Variants in SDAD1 observed in about 807,000 individuals in gnomAD.
The protein encoded by SDAD1 is protein SDA1 homolog.
Under a neutral mutation model 100.3 loss-of-function variants are expected in SDAD1, and 79 were observed. That is an observed-to-expected ratio of 0.79 (90% CI 0.66 to 0.95). The LOEUF (loss-of-function observed/expected upper bound fraction) is 0.95. Ranked by LOEUF, SDAD1 falls within the 40% of genes least tolerant of loss-of-function variation. The probability of loss-of-function intolerance (pLI) is 0.00; values close to 1 mark genes in which losing one functional copy is unlikely to be tolerated. For missense variants in SDAD1, 790 were observed against 810.9 expected, an observed-to-expected ratio of 0.97 and a Z score of 0.31; for synonymous variants, 267 against 271.4, an observed-to-expected ratio of 0.98 and a Z score of 0.16.
intron 21 of SDAD1, 74 bp downstream of exon 21, chr4:75,955,901 A>ATAAT: frequency 6.7e-7 from 1 of 1,494,504 alleles, no homozygotes; most frequent in Non-Finnish European, 9.0e-7. Context: ...AGAAGGCGCA[A>ATAAT]GTCCGTCTCA....
rs746789604 is a variant in SDAD1, at chr4:75,990,871, A to C, written c.-30T>G. 1.1e-5 allele frequency: 17 copies of C among 1,613,856 alleles called. No homozygotes were observed. The East Asian group carries it at 3.1e-4, about 30-fold the overall frequency. ...GCTGCAGACAGACTTCGCGGCGAGC[A>C]GTTTTAAAAAAACTCAGACGGCCGG... On this transcript the variant is annotated 5_prime_UTR_variant, in exon 1 of 22. Coordinates refer to ENST00000356260, the MANE Select transcript of SDAD1 (RefSeq NM_018115.4).
intron 1 of SDAD1, among the ~76,000 whole-genome samples, chr4:75,984,133 T>G (rs1578148888): frequency 6.6e-6 from 1 of 151,462 alleles, no homozygotes; most frequent in East Asian, 2.0e-4. Context: ...CTCTGTTCTA[T>G]TCTATTGGTC....
chr4:75,969,383 T>A lies in SDAD1; in HGVS notation c.900A>T (p.Leu300=), dbSNP rs756781601. The A allele has an allele frequency of 6.2e-7, 1 of 1,613,372 alleles. No individual in the cohort carries two copies. Among genetic ancestry groups the A allele is most frequent in the African/African-American group, 1.3e-5 (1 of 74,920 alleles). Residue 300 remains leucine, a synonymous_variant, in exon 11 of 22, where the codon CTA becomes CTT. Transcript: ENST00000356260. The part of the protein sequence containing the change: ...IHDPQDFAEK[L]LKQLECCKER... The stretch of plus-strand genomic sequence containing the variant: ...CCTTACAGCACTCAAGCTGCTTTAG[T>A]AGTTTTTCCGCAAAATCTGGCAAGG...
At chr4:75,982,351 C>A (rs1276051614) in intron 1 of SDAD1, among the ~76,000 whole-genome samples, 5 of 152,116 alleles carry the variant, frequency 3.3e-5, no homozygotes, top group Admixed American at 1.3e-4. Flanking sequence ...CAGTTACTAT[C>A]TAAATGATCC....
Position 75,957,627 on chromosome 4 carries a change from C to A in SDAD1, c.1660G>T (p.Glu554Ter). ...AISTSRVLTQ[E>*]DFQKIRMAQM... is the part of the protein sequence containing the mutation. ...GCCATGCGGATTTTCTGGAAGTCTT[C>A]CTGAGTTAAAACTCGGCTAGTGCTG... Residue 554 changes from glutamate (E) to a stop codon, truncating the protein, a stop_gained, in exon 19 of 22, where the codon GAA becomes TAA. Transcript: ENST00000356260. LOFTEE classifies it high-confidence loss of function. 6.2e-7 allele frequency: 1 copy of A among 1,614,138 alleles called. No homozygotes were observed. Among genetic ancestry groups the A allele is most frequent in the Non-Finnish European group, 8.5e-7 (1 of 1,180,032 alleles).
chr4:75,958,978 G>A (rs1255480166), intron 17 of SDAD1, among the ~76,000 whole-genome samples: 2 of 150,988 alleles, frequency 1.3e-5, no homozygotes, highest in South Asian at 2.1e-4. Context: ...GGCGCCTGTA[G>A]TCCCAGCTAT....
At chr4:75,956,885 G>A (rs1259125518) in intron 20 of SDAD1, among the ~76,000 whole-genome samples, 1 of 152,216 alleles carries the variant, frequency 6.6e-6, no homozygotes, top group East Asian at 1.9e-4. Flanking sequence ...TGAGGCGGGT[G>A]GATCGCATGA....
intron 13 of SDAD1, among the ~76,000 whole-genome samples, chr4:75,965,361 C>T (rs182416529): frequency 2.6e-5 from 4 of 152,222 alleles, no homozygotes; most frequent in East Asian, 1.9e-4. Flanking sequence ...AATGCGTGCC[C>T]GAAACTTCAT....
At position 75,982,026 on chromosome 4, in the gene SDAD1, C is replaced by T. The variant is rs751307020; in HGVS notation, c.102G>A (p.Gln34=). ...PPAYIEEFLQ[Q]YNHYKSNVEI... ...CCACATTGGATTTGTAGTGATTATA[C>T]TGCTGTAGAAACTGCAGAAAAATAA... The change falls in exon 2 of 22, where the codon CAG becomes CAA. Residue 34 remains glutamine (Q), a synonymous_variant. Transcript: ENST00000356260. 18 of 1,606,062 alleles carry T rather than the reference C, an allele frequency of 1.1e-5. No homozygotes were observed. The highest frequency in any genetic ancestry group is 1.0e-4 in the South Asian group (9 of 89,958).
chr4:75,973,762 G>C (rs1729999687), intron 7 of SDAD1, among the ~76,000 whole-genome samples: 1 of 152,094 alleles, frequency 6.6e-6, no homozygotes, highest in Admixed American at 6.5e-5. Context: ...GGAGAAAACA[G>C]TAAAAAACCA....
At chr4:75,989,940 T>C (rs1476587157) in intron 1 of SDAD1, among the ~76,000 whole-genome samples, 1 of 152,170 alleles carries the variant, frequency 6.6e-6, no homozygotes, top group Non-Finnish European at 1.5e-5. Flanking sequence ...CAAATCACAA[T>C]CTGGTAGAAG....
At chr4:75,952,787 T>C (rs1728686730) in intron 21 of SDAD1, among the ~76,000 whole-genome samples, 1 of 152,240 alleles carries the variant, frequency 6.6e-6, no homozygotes, top group Non-Finnish European at 1.5e-5. Context: ...TGTGCTGCAG[T>C]GTTAACGACA....
At chr4:75,954,710 T>G (rs1254998427) in intron 21 of SDAD1, among the ~76,000 whole-genome samples, 1 of 152,236 alleles carries the variant, frequency 6.6e-6, no homozygotes, top group African/African-American at 2.4e-5. Context: ...GCTGCCAGAA[T>G]GAGCCAACAG....
At chr4:75,990,647 G>C in intron 1 of SDAD1, 105 bp downstream of exon 1, 1 of 1,601,122 alleles carries the variant, frequency 6.2e-7, no homozygotes, top group African/African-American at 1.3e-5. Context: ...CCTAACAGAA[G>C]AATAGGCGGC....
rs149712743 is a variant in SDAD1, at chr4:75,965,770, G to C, written c.1098C>G (p.Pro366=). ...FAAQASHHLV[P]PEIIQSLLMT... is the part of the protein sequence containing the mutation. ...TCAGGTTACAGGTTCTCACCTCTGG[G>C]GGTACTAGGTGATGAGATGCTTGTG... The change falls in exon 13 of 22, where the codon CCC becomes CCG. Residue 366 remains proline (P), a synonymous_variant. Coordinates refer to ENST00000356260, the MANE Select transcript of SDAD1 (RefSeq NM_018115.4). The C allele has an allele frequency of 3.5e-5, 56 of 1,613,100 alleles. No homozygotes were observed. In the African/African-American group the frequency reaches 5.7e-4, roughly 17 times the overall value.
intron 21 of SDAD1, among the ~76,000 whole-genome samples, chr4:75,952,161 A>C: frequency 6.6e-6 from 1 of 152,240 alleles, no homozygotes; most frequent in East Asian, 1.9e-4. Flanking sequence ...AGATTCATCT[A>C]ATTCTATCTT....
chr4:75,985,168 C>T (rs1730816349), intron 1 of SDAD1, among the ~76,000 whole-genome samples: 2 of 152,102 alleles, frequency 1.3e-5, no homozygotes. Context: ...GGACTAATCT[C>T]ATTACACCCT....
At chr4:75,987,939 G>A (rs2869458) in intron 1 of SDAD1, among the ~76,000 whole-genome samples, 218 of 152,222 alleles carry the variant, frequency 1.4e-3, no homozygotes, top group African/African-American at 5.1e-3. Context: ...GGTTTTCCTC[G>A]AAACTTCACT....
intron 20 of SDAD1, among the ~76,000 whole-genome samples, chr4:75,956,411 T>G (rs1212956579): frequency 1.3e-5 from 2 of 150,834 alleles, no homozygotes; most frequent in African/African-American, 2.4e-5. Context: ...TTTTTTGTTT[T>G]TTTTTTTTTT....
Sources: gnomAD v4.1 joint callset for allele counts (sites outside exome capture counted in the v4.1 genomes callset) on GRCh38, gnomAD v4.1.1 for gene constraint, MANE v1.5 for transcripts, NCBI Gene and HGNC (gene_info 2026-07-23, HGNC 2026-07-21) for gene names.